Variants in STXBP6 observed in about 807,000 individuals in gnomAD.
The protein encoded by STXBP6 is syntaxin-binding protein 6.
In STXBP6, 21 loss-of-function variants were observed where a neutral mutation model predicts 26.9. That is an observed-to-expected ratio of 0.78 (90% CI 0.55 to 1.12). The LOEUF is 1.12. STXBP6 is among the 50% of genes most tolerant of loss of function. The pLI, the probability that STXBP6 is intolerant of heterozygous loss-of-function variation, is 0.00. For missense variants in STXBP6, 232 were observed against 257.9 expected, an observed-to-expected ratio of 0.90 and a Z score of 0.69; for synonymous variants, 97 against 92.6, an observed-to-expected ratio of 1.05 and a Z score of -0.27.
At chr14:24,815,442 T>C (rs2067943623) in intron 5 of STXBP6, among the ~76,000 whole-genome samples, 1 of 150,218 alleles carries the variant, frequency 6.7e-6, no homozygotes, top group Admixed American at 6.7e-5. Flanking sequence ...TAAAATCATG[T>C]ATTTTATTTT....
At chr14:24,907,713 T>C (rs1054672959) in intron 2 of STXBP6, among the ~76,000 whole-genome samples, 1 of 152,198 alleles carries the variant, frequency 6.6e-6, no homozygotes, top group Admixed American at 6.5e-5. Flanking sequence ...CTACTTGTAT[T>C]TGAAGGGACA....
chr14:25,049,857 C>T lies in STXBP6; in HGVS notation c.-33+21G>A, dbSNP rs1167096928. 6 of 985,432 alleles carry T rather than the reference C, an allele frequency of 6.1e-6. No individual in the cohort carries two copies. The highest frequency in any genetic ancestry group is 1.7e-5 in the African/African-American group (1 of 57,244). The allele number at this position is 985,432 out of a possible 1,614,324, so 61.0% of individuals were successfully genotyped here. ...CTTGGCCTCCGCCCTGACCGCCTGG[C>T]TCCCCTCGCCCCGGTCCTACCGTGC... On this transcript the variant is annotated intron_variant, in intron 1 of 5. Transcript: ENST00000323944. The surrounding 1 kb of genome is among the most constrained non-coding windows in gnomAD (Gnocchi z 5.6).
chr14:24,911,785 A>T (rs1157078527), intron 2 of STXBP6, among the ~76,000 whole-genome samples: 1 of 152,156 alleles, frequency 6.6e-6, no homozygotes, highest in African/African-American at 2.4e-5. Flanking sequence ...AGCTTAGAAA[A>T]ACCAGAAGAG....
At chr14:24,964,122 C>T (rs534383868) in intron 2 of STXBP6, among the ~76,000 whole-genome samples, 11 of 152,156 alleles carry the variant, frequency 7.2e-5, no homozygotes, top group South Asian at 2.1e-4. Context: ...TGCCCAATTC[C>T]CCCCACCCAG....
At chr14:24,955,687 C>T (rs574544600) in intron 2 of STXBP6, among the ~76,000 whole-genome samples, 7 of 152,178 alleles carry the variant, frequency 4.6e-5, no homozygotes, top group Admixed American at 2.6e-4. Flanking sequence ...CAGGGTATCT[C>T]GGTTGGCTAG....
At chr14:24,835,374 T>G (rs371617801) in intron 4 of STXBP6, among the ~76,000 whole-genome samples, 1 of 152,152 alleles carries the variant, frequency 6.6e-6, no homozygotes, top group African/African-American at 2.4e-5. Context: ...AGAGGTGATA[T>G]TCTTAATTTC....
At chr14:25,014,143 G>C (rs2075095200) in intron 1 of STXBP6, among the ~76,000 whole-genome samples, 1 of 152,084 alleles carries the variant, frequency 6.6e-6, no homozygotes, top group Admixed American at 6.5e-5. Context: ...AGGCACATAG[G>C]GTCTGCTATT....
chr14:24,878,164 C>A (rs2070216840), intron 2 of STXBP6, among the ~76,000 whole-genome samples: 1 of 151,824 alleles, frequency 6.6e-6, no homozygotes, highest in Admixed American at 6.6e-5. Flanking sequence ...TGGCATTTGT[C>A]TTTTGACTTA....
chr14:24,870,873 C>T (rs965721902), intron 2 of STXBP6, among the ~76,000 whole-genome samples: 28 of 152,252 alleles, frequency 1.8e-4, no homozygotes, highest in Admixed American at 9.2e-4. Flanking sequence ...CACAAAAATA[C>T]GAAACACAAC....
At chr14:24,893,443 C>A (rs1362683754) in intron 2 of STXBP6, among the ~76,000 whole-genome samples, 3 of 152,206 alleles carry the variant, frequency 2.0e-5, no homozygotes, top group African/African-American at 7.2e-5. Flanking sequence ...AGAGCTTTGG[C>A]TATCTGGCTT....
At chr14:24,940,536 G>C (rs1203405416) in intron 2 of STXBP6, among the ~76,000 whole-genome samples, 1 of 152,140 alleles carries the variant, frequency 6.6e-6, no homozygotes, top group Non-Finnish European at 1.5e-5. Flanking sequence ...GAAGCCTCTT[G>C]ACCTTTCACT....
intron 1 of STXBP6, among the ~76,000 whole-genome samples, chr14:25,027,448 C>T (rs1258563092): frequency 3.3e-5 from 5 of 152,160 alleles, no homozygotes; most frequent in Non-Finnish European, 7.4e-5. Context: ...AATAAATGCA[C>T]GTATTCTGGC....
intron 2 of STXBP6, among the ~76,000 whole-genome samples, chr14:24,974,116 A>AG (rs1356275790): frequency 1.3e-5 from 2 of 152,154 alleles, no homozygotes; most frequent in Non-Finnish European, 2.9e-5. Flanking sequence ...AAAAAAAAAA[A>AG]CAAGATTCAA....
intron 4 of STXBP6, among the ~76,000 whole-genome samples, chr14:24,854,864 A>G (rs854327): frequency 0.079 from 11,949 of 152,072 alleles, 568 homozygotes; most frequent in East Asian, 0.19. Context: ...GACCCCTTGA[A>G]AAAATATACA....
At chr14:24,985,043 C>T (rs983249463) in intron 1 of STXBP6, among the ~76,000 whole-genome samples, 1 of 152,230 alleles carries the variant, frequency 6.6e-6, no homozygotes, top group South Asian at 2.1e-4. Flanking sequence ...GTACAAGATA[C>T]TGTTATCACC....
At chr14:25,006,239 C>T (rs529556846) in intron 1 of STXBP6, among the ~76,000 whole-genome samples, 3 of 152,230 alleles carry the variant, frequency 2.0e-5, no homozygotes, top group South Asian at 4.1e-4. Context: ...AATTCAGGCA[C>T]GTGGCTGTAC....
intron 2 of STXBP6, among the ~76,000 whole-genome samples, chr14:24,929,051 G>A (rs1165962414): frequency 6.6e-6 from 1 of 152,034 alleles, no homozygotes; most frequent in East Asian, 1.9e-4. Flanking sequence ...CACCTTTCAG[G>A]TTTTCAAGCC....
At chr14:24,876,024 G>A (rs986419660) in intron 2 of STXBP6, among the ~76,000 whole-genome samples, 3 of 152,092 alleles carry the variant, frequency 2.0e-5, no homozygotes, top group African/African-American at 7.2e-5. Flanking sequence ...TGGGGTGAGA[G>A]GTGGGTTTTT....
At chr14:24,859,156 C>A (rs1355803785) in intron 2 of STXBP6, among the ~76,000 whole-genome samples, 1 of 152,104 alleles carries the variant, frequency 6.6e-6, no homozygotes, top group African/African-American at 2.4e-5. Flanking sequence ...CATGCAGGAA[C>A]CCCAACTATT....
Sources: gnomAD v4.1 joint callset for allele counts (sites outside exome capture counted in the v4.1 genomes callset) on GRCh38, gnomAD v4.1.1 for gene constraint, Gnocchi (gnomAD v3.1) non-coding constraint, MANE v1.5 for transcripts, NCBI Gene and HGNC (gene_info 2026-07-23, HGNC 2026-07-21) for gene names.